Variants in RPL35 observed in about 807,000 individuals in gnomAD.
RPL35 encodes the protein large ribosomal subunit protein uL29.
In RPL35, 2 loss-of-function variants were observed where a neutral mutation model predicts 15.6. That is an observed-to-expected ratio of 0.13 (90% CI 0.05 to 0.40). The LOEUF (loss-of-function observed/expected upper bound fraction) is 0.40. Among genes scored for constraint, RPL35 ranks in the 10% least tolerant of loss-of-function variants. The pLI, the probability that RPL35 is intolerant of heterozygous loss-of-function variation, is 0.99. For missense variants in RPL35, 111 were observed against 164.7 expected (o/e 0.67, Z 1.79); for synonymous variants, 93 against 67.9 (o/e 1.37, Z -1.82).
chr9:124,860,095 AG>A, intron 3 of RPL35, 87 bp downstream of exon 3: 1 of 996,062 alleles, frequency 1.0e-6, no homozygotes, highest in Non-Finnish European at 1.6e-6. Context: ...CCACGCACCA[AG>A]AAAAACCTCT....
chr9:124,861,781 G>T, intron 1 of RPL35, 129 bp downstream of exon 1: 2 of 1,388,868 alleles, frequency 1.4e-6, no homozygotes, highest in Non-Finnish European at 1.9e-6. Flanking sequence ...TTGTGGTGGC[G>T]CCAGACCATT....
In RPL35 at chr9:124,861,926, G is replaced by A. The variant is rs755742447; in HGVS notation, c.-14C>T. The A allele has an allele frequency of 1.4e-5, 23 of 1,598,710 alleles. No homozygotes were observed. Among genetic ancestry groups the A allele is most frequent in the African/African-American group, 5.4e-5 (4 of 74,024 alleles). ...AGCTCTCACCATTGCTGCACAAGCC[G>A]CCAACGCCGCCGCCCGCTCCGAGGG... On this transcript the variant is annotated 5_prime_UTR_variant, in exon 1 of 4. Transcript: ENST00000348462.
rs1467634476 is a variant in RPL35, at chr9:124,861,561, C to A, written c.4-6G>T. 1 of 1,613,444 alleles carries A rather than the reference C, an allele frequency of 6.2e-7. No individual in the cohort carries two copies. Among genetic ancestry groups the A allele is most frequent in the Non-Finnish European group, 8.5e-7 (1 of 1,179,822 alleles). Reference sequence around the variant, plus strand: ...TCTCGAGCCTTGATCTTGGCCTGCGCGCAAGAGAGAGTGTGCCTCAGCCAG... The same window carrying A: ...TCTCGAGCCTTGATCTTGGCCTGCGAGCAAGAGAGAGTGTGCCTCAGCCAG... On this transcript the variant is annotated splice_polypyrimidine_tract_variant and splice_region_variant and intron_variant, in intron 1 of 3. Transcript: ENST00000348462.
At chr9:124,861,879 C>T (rs1490570719) in intron 1 of RPL35, 31 bp downstream of exon 1, 23 of 1,602,404 alleles carry the variant, frequency 1.4e-5, no homozygotes, top group Non-Finnish European at 2.0e-5. Context: ...CCTCACAGCG[C>T]TCGGATGGCG....
Position 124,858,020 on chromosome 9 carries a change from G to A in RPL35, c.270C>T (p.Ala90=). 1.2e-6 allele frequency: 2 copies of A among 1,612,460 alleles called. No individual in the cohort carries two copies. The highest frequency in any genetic ancestry group is 1.1e-5 in the South Asian group (1 of 91,000). Residue 90 remains alanine, a synonymous_variant, in exon 4 of 4, where the codon GCC becomes GCT. Transcript: ENST00000348462. ...CGTGCTTGTTGAGCCGGCGGCGCAT[G>A]GCACGTGTCTTCTTAGGCCGCAGGT... ...PLDLRPKKTR[A]MRRRLNKHEE...
Position 124,858,005 on chromosome 9 carries a change from G to A in RPL35, c.285C>T (p.Leu95=). 6.2e-7 allele frequency: 1 copy of A among 1,612,306 alleles called. No homozygotes were observed. The highest frequency in any genetic ancestry group is 2.2e-5 in the East Asian group (1 of 44,884). The change falls in exon 4 of 4, where the codon CTC becomes CTT. Residue 95 remains leucine (L), a synonymous_variant. Coordinates refer to ENST00000348462, the MANE Select transcript of RPL35 (RefSeq NM_007209.4). The stretch of plus-strand genomic sequence containing the variant: ...TCTTCAGGTTCTCCTCGTGCTTGTT[G>A]AGCCGGCGGCGCATGGCACGTGTCT... The part of the protein sequence containing the change: ...PKKTRAMRRR[L]NKHEENLKTK...
At chr9:124,859,403 A>T (rs759668704) in intron 3 of RPL35, among the ~76,000 whole-genome samples, 4 of 152,220 alleles carry the variant, frequency 2.6e-5, no homozygotes, top group Non-Finnish European at 4.4e-5. Context: ...GACCCTCATC[A>T]GGTAACTTTA....
At chr9:124,859,407 A>G (rs999168102) in intron 3 of RPL35, among the ~76,000 whole-genome samples, 1 of 152,222 alleles carries the variant, frequency 6.6e-6, no homozygotes, top group Non-Finnish European at 1.5e-5. Context: ...CTCATCAGGT[A>G]ACTTTAGGGG....
intron 2 of RPL35, among the ~76,000 whole-genome samples, chr9:124,860,800 C>G (rs1829184564): frequency 6.6e-6 from 1 of 152,178 alleles, no homozygotes; most frequent in Non-Finnish European, 1.5e-5. Flanking sequence ...AATCCTCCCA[C>G]CCCTGCCTCT....
At chr9:124,859,633 A>G (rs537432976) in intron 3 of RPL35, among the ~76,000 whole-genome samples, 26 of 152,264 alleles carry the variant, frequency 1.7e-4, no homozygotes, top group African/African-American at 5.1e-4. Context: ...TTGAACCCCA[A>G]TAAGATGAAT....
chr9:124,861,648 C>T, intron 1 of RPL35, 93 bp from the exon 2 acceptor site: 1 of 1,529,454 alleles, frequency 6.5e-7, no homozygotes, highest in Admixed American at 1.9e-5. Context: ...GACTCGCCAT[C>T]GACTACGAGT....
chr9:124,861,923 G>A lies in RPL35; in HGVS notation c.-11C>T, dbSNP rs751459625. 5.6e-6 allele frequency: 9 copies of A among 1,599,142 alleles called. No individual in the cohort carries two copies. The East Asian group carries it at 1.4e-4, about 24-fold the overall frequency. On this transcript the variant is annotated 5_prime_UTR_variant, in exon 1 of 4. Coordinates refer to ENST00000348462, the MANE Select transcript of RPL35 (RefSeq NM_007209.4). ...CGCAGCTCTCACCATTGCTGCACAA[G>A]CCGCCAACGCCGCCGCCCGCTCCGA...
At chr9:124,861,187 G>A in intron 2 of RPL35, 1 of 513,898 alleles carries the variant, frequency 1.9e-6, no homozygotes, top group Non-Finnish European at 3.4e-6. Context: ...GGTCCGGGTA[G>A]GCTTTGAAGG....
In RPL35 at chr9:124,860,163, C is replaced by G. The variant is rs765768672; in HGVS notation, c.222+20G>C. The G allele has an allele frequency of 1.0e-5, 16 of 1,595,808 alleles. 1 individual carries two copies. In the East Asian group the frequency reaches 1.1e-4, roughly 11 times the overall value. ...CTTGGCTTCCTGCAGCCAACCCTCC[C>G]TATGTCCAGGCAGACTCACCTTGTA... On this transcript the variant is annotated intron_variant, in intron 3 of 3. Coordinates refer to ENST00000348462, the MANE Select transcript of RPL35 (RefSeq NM_007209.4).
At chr9:124,861,654 CG>C in intron 1 of RPL35, 99 bp from the exon 2 acceptor site, 4 of 1,515,948 alleles carry the variant, frequency 2.6e-6, no homozygotes, top group Non-Finnish European at 3.6e-6. Flanking sequence ...CCATCGACTA[CG>C]AGTGCGCCGG....
At position 124,860,504 on chromosome 9, in the gene RPL35, A is replaced by T. The variant is rs112397492; in HGVS notation, c.141-240T>A. On this transcript the variant is annotated intron_variant, in intron 2 of 3. Coordinates refer to ENST00000348462, the MANE Select transcript of RPL35 (RefSeq NM_007209.4). ...TGAGGCAGATCAGAAAAAGACCTTC[A>T]ATCCCAGAACACGAATTTATCCTGA... 1.7e-3 allele frequency among the ~76,000 whole-genome samples: 261 copies of T among 152,300 alleles called. 1 individual carries two copies. The highest frequency in any genetic ancestry group is 6.0e-3 in the African/African-American group (248 of 41,548).
chr9:124,857,891 A>G lies in RPL35; in HGVS notation c.*27T>C. 8.1e-6 allele frequency: 13 copies of G among 1,608,850 alleles called. No individual in the cohort carries two copies. Among genetic ancestry groups the G allele is most frequent in the Non-Finnish European group, 1.1e-5 (13 of 1,177,278 alleles). On this transcript the variant is annotated 3_prime_UTR_variant, in exon 4 of 4. Transcript: ENST00000348462. ...GCCAGGAAACAAAGCAGTCTCAGCC[A>G]GCTGTGCTTTATTGACAATGCGCCC...
In RPL35 at chr9:124,861,673, A is replaced by G. The variant is rs1022585562; in HGVS notation, c.4-118T>C. Reference sequence around the variant, plus strand: ...CGACTACGAGTGCGCCGGAGCCCCAACCAGGGCTCAGGACAGTCTCCCTCG... The same window carrying G: ...CGACTACGAGTGCGCCGGAGCCCCAGCCAGGGCTCAGGACAGTCTCCCTCG... On this transcript the variant is annotated intron_variant, in intron 1 of 3. Coordinates refer to ENST00000348462, the MANE Select transcript of RPL35 (RefSeq NM_007209.4). 5.3e-5 allele frequency: 77 copies of G among 1,454,874 alleles called. No homozygotes were observed. The African/African-American group carries it at 9.4e-4, about 18-fold the overall frequency. 90.1% of individuals were successfully genotyped at this position (1,454,874 alleles called of 1,614,324 possible). A position where few individuals can be genotyped will look rare whatever the true frequency, so the allele number is the denominator to read the frequency against.
intron 1 of RPL35, 21 bp from the exon 2 acceptor site, chr9:124,861,576 G>A (rs1564308977): frequency 6.2e-7 from 1 of 1,612,038 alleles, no homozygotes; most frequent in African/African-American, 1.3e-5. Flanking sequence ...GAGAGAGTGT[G>A]CCTCAGCCAG....
Sources: allele counts gnomAD v4.1 joint callset (sites outside exome capture counted in the v4.1 genomes callset), GRCh38; gene constraint gnomAD v4.1.1; transcripts MANE v1.5; gene names NCBI Gene and HGNC (gene_info 2026-07-23, HGNC 2026-07-21).